The following ERC1 variants were observed in gnomAD, a reference collection of about 807,000 sequenced individuals.
ERC1 encodes RAB6 interacting protein 2.
A neutral mutation model predicts 132.0 loss-of-function variants in ERC1; 56 were observed. That is an observed-to-expected ratio of 0.42 (90% CI 0.34 to 0.53). The LOEUF (loss-of-function observed/expected upper bound fraction) is 0.53. ERC1 is among the 20% of genes least tolerant of loss of function. The pLI, the probability that ERC1 is intolerant of heterozygous loss-of-function variation, is 0.03. For synonymous variants in ERC1, 478 were observed against 476.1 expected (o/e 1.00, Z -0.05); for missense variants, 1,202 against 1,349.9 (o/e 0.89, Z 1.72).
At chr12:1,463,034 G>A (rs929077217) in intron 18 of ERC1, among the ~76,000 whole-genome samples, 6 of 151,924 alleles carry the variant, frequency 3.9e-5, no homozygotes, top group African/African-American at 1.2e-4. Flanking sequence ...ACTGAGCTTT[G>A]GATTCCAGGT....
At chr12:1,052,156 G>A (rs1017943820) in intron 2 of ERC1, among the ~76,000 whole-genome samples, 5 of 152,302 alleles carry the variant, frequency 3.3e-5, no homozygotes, top group African/African-American at 9.6e-5. Flanking sequence ...CAGAATTTCT[G>A]ATCGAGTAGG....
intron 17 of ERC1, among the ~76,000 whole-genome samples, chr12:1,412,658 C>G (rs1442976624): frequency 1.3e-5 from 2 of 152,144 alleles, no homozygotes; most frequent in African/African-American, 4.8e-5. Context: ...GAATCTAGAC[C>G]TCTCCACCTG....
At chr12:1,322,944 G>T (rs1170100180) in intron 15 of ERC1, among the ~76,000 whole-genome samples, 1 of 152,122 alleles carries the variant, frequency 6.6e-6, no homozygotes, top group African/African-American at 2.4e-5. Context: ...ATATGAGTTT[G>T]TATGCCCTGA....
intron 3 of ERC1, among the ~76,000 whole-genome samples, chr12:1,097,799 C>T (rs1039056040): frequency 6.6e-6 from 1 of 151,336 alleles, no homozygotes; most frequent in Admixed American, 6.6e-5. Context: ...ACTGTAACCT[C>T]TGCCCCCCAG....
At chr12:1,489,151 A>G (rs990979606) in intron 18 of ERC1, among the ~76,000 whole-genome samples, 1 of 151,962 alleles carries the variant, frequency 6.6e-6, no homozygotes, top group African/African-American at 2.4e-5. Context: ...TGTGCCTTAC[A>G]TTCCTGCCAT....
intron 15 of ERC1, among the ~76,000 whole-genome samples, chr12:1,364,947 C>T (rs981672573): frequency 2.0e-5 from 3 of 152,220 alleles, no homozygotes; most frequent in Non-Finnish European, 4.4e-5. Context: ...AAATCTCTCT[C>T]TTTTGCGACT....
Position 1,289,950 on chromosome 12 carries a change from A to G in ERC1, c.2718A>G (p.Glu906=). ...CCCAGCAGTCTCTGGCAGAAAAGGAAACTCACTTGACTAATCTTCGGGCAG... is the reference window on the plus strand; with the variant it reads ...CCCAGCAGTCTCTGGCAGAAAAGGAGACTCACTTGACTAATCTTCGGGCAG... ...SSTQQSLAEK[E]THLTNLRAER... Residue 906 remains glutamate, a synonymous_variant, in exon 15 of 19, where the codon GAA becomes GAG. Transcript: ENST00000360905. 1.9e-6 allele frequency: 3 copies of G among 1,614,132 alleles called. No homozygotes were observed. The highest frequency in any genetic ancestry group is 2.5e-6 in the Non-Finnish European group (3 of 1,179,946).
intron 15 of ERC1, among the ~76,000 whole-genome samples, chr12:1,312,290 G>A (rs139772080): frequency 2.0e-5 from 3 of 152,286 alleles, no homozygotes; most frequent in Non-Finnish European, 4.4e-5. Flanking sequence ...TCAGTTGCCA[G>A]AGTCAGTCTG....
chr12:1,441,233 A>G (rs1592086851), intron 17 of ERC1, among the ~76,000 whole-genome samples: 1 of 150,780 alleles, frequency 6.6e-6, no homozygotes, highest in South Asian at 2.1e-4. Context: ...TGATTTTTGT[A>G]TTTTTTTAGT....
intron 17 of ERC1, among the ~76,000 whole-genome samples, chr12:1,424,844 TGATA>T (rs370289067): frequency 0.015 from 1,162 of 75,378 alleles, 9 homozygotes; most frequent in Non-Finnish European, 0.019. Flanking sequence ...GATAGATAGA[TGATA>T]GATAGATAGA....
chr12:1,074,067 A>C (rs905922075), intron 2 of ERC1, among the ~76,000 whole-genome samples: 1 of 151,676 alleles, frequency 6.6e-6, no homozygotes, highest in Non-Finnish European at 1.5e-5. Flanking sequence ...TTTCACCATG[A>C]TGGCCAGGAT....
intron 18 of ERC1, among the ~76,000 whole-genome samples, chr12:1,448,968 C>T (rs540954721): frequency 7.2e-5 from 11 of 152,364 alleles, no homozygotes; most frequent in East Asian, 3.9e-4. Flanking sequence ...GAGCTGCCCA[C>T]GGCCCTGAGA....
intron 18 of ERC1, among the ~76,000 whole-genome samples, chr12:1,471,093 C>A (rs943162076): frequency 6.6e-6 from 1 of 152,082 alleles, no homozygotes; most frequent in Admixed American, 6.6e-5. Context: ...TATTCAGCTC[C>A]CTTCCCAGCT....
At chr12:1,403,314 C>T (rs1306726603) in intron 16 of ERC1, among the ~76,000 whole-genome samples, 1 of 152,106 alleles carries the variant, frequency 6.6e-6, no homozygotes, top group African/African-American at 2.4e-5. Context: ...AGAGGAAAAA[C>T]ATTTGGATAT....
chr12:1,381,706 A>G (rs897517981), intron 16 of ERC1, among the ~76,000 whole-genome samples: 18 of 152,028 alleles, frequency 1.2e-4, no homozygotes, highest in African/African-American at 4.3e-4. Context: ...ACCCTTTTTC[A>G]TTCACTGTCC....
At chr12:1,259,101 T>A (rs1305288124) in intron 13 of ERC1, among the ~76,000 whole-genome samples, 8 of 53,864 alleles carry the variant, frequency 1.5e-4, no homozygotes, top group Admixed American at 7.2e-4. Flanking sequence ...ATATCAGAAC[T>A]ATGTATTTTA....
chr12:1,256,820 A>G (rs912910615), intron 13 of ERC1, among the ~76,000 whole-genome samples: 1 of 150,774 alleles, frequency 6.6e-6, no homozygotes, highest in African/African-American at 2.5e-5. Flanking sequence ...ATATAGTCTC[A>G]TACCAACAGC....
In ERC1 at chr12:1,428,674, C is replaced by A. The variant is rs533205868; in HGVS notation, c.3025-15888C>A. On this transcript the variant is annotated intron_variant, in intron 17 of 18. Coordinates refer to ENST00000360905, the MANE Select transcript of ERC1 (RefSeq NM_178040.4). ...CTCACATTTTATCTGAAATATTAAACAGCAGACCCTTTACGATAGGACCCC... is the reference window on the plus strand; with the variant it reads ...CTCACATTTTATCTGAAATATTAAAAAGCAGACCCTTTACGATAGGACCCC... Among the ~76,000 whole-genome samples the A allele has an allele frequency of 3.3e-5, 5 of 152,320 alleles. No individual in the cohort carries two copies. In the South Asian group the frequency reaches 6.2e-4, roughly 19 times the overall value.
chr12:1,346,962 G>A (rs1056530560), intron 15 of ERC1, among the ~76,000 whole-genome samples: 119 of 110,132 alleles, frequency 1.1e-3, no homozygotes, highest in African/African-American at 3.4e-3. Flanking sequence ...AAAAAAAAAA[G>A]AGAGAGATGA....
Sources: gnomAD v4.1 joint callset for allele counts (sites outside exome capture counted in the v4.1 genomes callset) on GRCh38, gnomAD v4.1.1 for gene constraint, MANE v1.5 for transcripts, NCBI Gene and HGNC (gene_info 2026-07-23, HGNC 2026-07-21) for gene names.